Variants in PUM2 observed in about 807,000 individuals in gnomAD.
The protein encoded by PUM2 is pumilio RNA binding family member 2.
A neutral mutation model predicts 124.5 loss-of-function variants in PUM2; 57 were observed. The observed-to-expected ratio is 0.46, with a 90% confidence interval of 0.37 to 0.57. PUM2 has a LOEUF of 0.57. Ranked by LOEUF, PUM2 falls within the 20% of genes least tolerant of loss-of-function variation. The probability of loss-of-function intolerance (pLI) is 0.00; values close to 1 mark genes in which losing one functional copy is unlikely to be tolerated. For missense variants in PUM2, 1,065 were observed against 1,290.6 expected (o/e 0.83, Z 2.68); for synonymous variants, 460 against 446.1 (o/e 1.03, Z -0.39).
At chr2:20,262,735 T>C (rs1156292044) in intron 14 of PUM2, among the ~76,000 whole-genome samples, 1 of 152,270 alleles carries the variant, frequency 6.6e-6, no homozygotes, top group African/African-American at 2.4e-5. Context: ...GTATCTCTCA[T>C]GTATTACATT....
chr2:20,251,696 A>G lies in PUM2; in HGVS notation c.3084T>C (p.Thr1028=), dbSNP rs1460513592. 3 of 1,613,140 alleles carry G rather than the reference A, an allele frequency of 1.9e-6. No individual in the cohort carries two copies. The highest frequency in any genetic ancestry group is 2.5e-6 in the Non-Finnish European group (3 of 1,179,544). ...GCTTCCCGTATGTGTATTTGCGCAA[A>G]GTAGTAATGTGAGGTCGAATCTGAA... is the stretch of plus-strand genomic sequence containing the variant. The part of the protein sequence containing the change: ...IMHKIRPHIT[T]LRKYTYGKHI... Residue 1028 remains threonine (T), a synonymous_variant, in exon 21 of 21, where the codon ACT becomes ACC. Coordinates refer to ENST00000361078, the MANE Select transcript of PUM2 (RefSeq NM_015317.5).
chr2:20,261,366 C>A lies in PUM2; in HGVS notation c.2226-900G>T, dbSNP rs1364917751. Reference sequence around the variant, plus strand: ...CCGAGATCATGCCATTGCACTCCAGCCTAAGCGACAGAGTGAGACTCTGTC... The same window carrying A: ...CCGAGATCATGCCATTGCACTCCAGACTAAGCGACAGAGTGAGACTCTGTC... On this transcript the variant is annotated intron_variant, in intron 14 of 20. Coordinates refer to ENST00000361078, the MANE Select transcript of PUM2 (RefSeq NM_015317.5). Among the ~76,000 whole-genome samples the A allele has an allele frequency of 5.6e-5, 7 of 123,964 alleles. No individual in the cohort carries two copies. The Admixed American group carries it at 5.8e-4, about 10-fold the overall frequency. The allele number at this position is 123,964 out of a possible 152,430, so 81.3% of individuals were successfully genotyped here.
chr2:20,340,307 G>T (rs1686981306), intron 1 of PUM2, among the ~76,000 whole-genome samples: 1 of 152,218 alleles, frequency 6.6e-6, no homozygotes, highest in Non-Finnish European at 1.5e-5. Context: ...AATCACAAAA[G>T]AAAGCTAACT....
In PUM2 at chr2:20,255,264, G is replaced by A. The variant is rs1664499103; in HGVS notation, c.2700C>T (p.Thr900=). The part of the protein sequence containing the change: ...RILEHCTAEQ[T]LPILEELHQH... ...GGTGGAGTTCTTCTAAGATAGGTAA[G>A]GTCTGTTCTGCAGTGCAATGCTCTA... is the stretch of plus-strand genomic sequence containing the variant. Residue 900 remains threonine, a synonymous_variant, in exon 18 of 21, where the codon ACC becomes ACT. Coordinates refer to ENST00000361078, the MANE Select transcript of PUM2 (RefSeq NM_015317.5). The A allele has an allele frequency of 1.9e-6, 3 of 1,605,812 alleles. No individual in the cohort carries two copies. Among genetic ancestry groups the A allele is most frequent in the Non-Finnish European group, 1.7e-6 (2 of 1,172,572 alleles).
intron 3 of PUM2, among the ~76,000 whole-genome samples, chr2:20,317,519 C>A (rs1246354449): frequency 6.6e-6 from 1 of 152,030 alleles, no homozygotes; most frequent in African/African-American, 2.4e-5. Context: ...TTAATCTATC[C>A]CCCATTTTAA....
chr2:20,308,762 C>T (rs1041690317), intron 5 of PUM2, among the ~76,000 whole-genome samples, 178 bp from the exon 6 acceptor site: 1 of 152,086 alleles, frequency 6.6e-6, no homozygotes, highest in African/African-American at 2.4e-5. Context: ...CTCTTAACAG[C>T]TGGCATGATT....
Position 20,350,626 on chromosome 2 carries a change from G to T in PUM2, c.-48C>A. The T allele has an allele frequency of 1.0e-6, 1 of 985,466 alleles. No homozygotes were observed. Among genetic ancestry groups the T allele is most frequent in the Non-Finnish European group, 1.2e-6 (1 of 830,016 alleles). The allele number at this position is 985,466 out of a possible 1,614,324, so 61.0% of individuals were successfully genotyped here. ...CTGCTGCGGCCGCGCTGCCTCAGCC[G>T]GGGACACCGACCGTTGGGCACACGG... On this transcript the variant is annotated 5_prime_UTR_variant, in exon 1 of 21. Transcript: ENST00000361078.
At chr2:20,329,075 G>A (rs1684312442) in intron 1 of PUM2, among the ~76,000 whole-genome samples, 1 of 151,738 alleles carries the variant, frequency 6.6e-6, no homozygotes, top group Admixed American at 6.6e-5. Flanking sequence ...GGAGGCTGAG[G>A]TGGGAATATC....
Position 20,283,037 on chromosome 2 carries a change from C to T in PUM2, c.1630G>A (p.Gly544Ser), listed in dbSNP as rs2148897387. The T allele has an allele frequency of 1.2e-6, 2 of 1,614,064 alleles. No individual in the cohort carries two copies. Among genetic ancestry groups the T allele is most frequent in the East Asian group, 4.5e-5 (2 of 44,886 alleles). ...CCAAGAGATGTACTTCCAGGTTGAC[C>T]AGGTCCATGAGAAAATAAAGAACTA... ...QSSSLFSHGPGQPGSTSLGFG... is the reference protein window; with the variant it reads ...QSSSLFSHGPSQPGSTSLGFG... The change falls in exon 12 of 21, where the codon GGT becomes AGT. Residue 544 changes from glycine to serine, a missense_variant. By Grantham distance (56) the Gly-to-Ser change is moderately conservative. Transcript: ENST00000361078.
rs1182734435 is a variant in PUM2 at position 20,249,652 on chromosome 2, C to T, written c.*1933G>A. ...ATTCCATATTGTGCTCAGAAGATTG[C>T]GTTTCTTCTGCAGATCTCTAGTAAA... is the stretch of plus-strand genomic sequence containing the variant. On this transcript the variant is annotated 3_prime_UTR_variant, in exon 21 of 21. Transcript: ENST00000361078. The T allele has an allele frequency of 2.0e-5, 3 of 152,514 alleles. No individual in the cohort carries two copies. Among genetic ancestry groups the T allele is most frequent in the Non-Finnish European group, 2.9e-5 (2 of 68,012 alleles). The allele number at this position is 152,514 out of a possible 1,614,324, so 9.4% of individuals were successfully genotyped here.
At chr2:20,320,988 T>C (rs1441582161) in intron 2 of PUM2, among the ~76,000 whole-genome samples, 1 of 152,180 alleles carries the variant, frequency 6.6e-6, no homozygotes, top group African/African-American at 2.4e-5. Flanking sequence ...ATAAGTAATC[T>C]AAAGTTGTAA....
chr2:20,256,667 A>G (rs965772498), intron 16 of PUM2, among the ~76,000 whole-genome samples: 4 of 152,232 alleles, frequency 2.6e-5, no homozygotes, highest in African/African-American at 7.2e-5. Context: ...CTTATGGGCT[A>G]TGATTTTTAC....
intron 2 of PUM2, among the ~76,000 whole-genome samples, chr2:20,320,859 C>A (rs551668092): frequency 6.6e-6 from 1 of 151,946 alleles, no homozygotes; most frequent in Admixed American, 6.6e-5. Context: ...CCAAGTTAAT[C>A]CCTTAAAAAT....
intron 10 of PUM2, among the ~76,000 whole-genome samples, chr2:20,284,410 C>T (rs1303750845): frequency 6.6e-6 from 1 of 152,182 alleles, no homozygotes; most frequent in Non-Finnish European, 1.5e-5. Flanking sequence ...GGCTGGAGCA[C>T]AGTGGCATAA....
chr2:20,319,608 T>C (rs1200375950), intron 2 of PUM2, among the ~76,000 whole-genome samples: 1 of 152,208 alleles, frequency 6.6e-6, no homozygotes, highest in African/African-American at 2.4e-5. Flanking sequence ...AACTCAGTAA[T>C]ACCTGAAATT....
chr2:20,344,674 A>G (rs1405256666), intron 1 of PUM2, among the ~76,000 whole-genome samples: 1 of 152,034 alleles, frequency 6.6e-6, no homozygotes, highest in Non-Finnish European at 1.5e-5. Context: ...GGACTAAATT[A>G]ACTTCTATAA....
At chr2:20,312,209 A>C in intron 4 of PUM2, 27 bp downstream of exon 4, 1 of 1,529,776 alleles carries the variant, frequency 6.5e-7, no homozygotes, top group Non-Finnish European at 8.9e-7. Flanking sequence ...AGCAAATATT[A>C]AATATTTCTT....
At chr2:20,347,798 T>G (rs1258921977) in intron 1 of PUM2, among the ~76,000 whole-genome samples, 2 of 152,144 alleles carry the variant, frequency 1.3e-5, no homozygotes, top group Non-Finnish European at 2.9e-5. Flanking sequence ...TCTAACCCAG[T>G]CACAAGTAGC....
rs773279471 is a variant in PUM2, at chr2:20,253,900, C to T, written c.2985G>A (p.Lys995=). The change falls in exon 20 of 21, where the codon AAG becomes AAA. Residue 995 remains lysine, a synonymous_variant. Coordinates refer to ENST00000361078, the MANE Select transcript of PUM2 (RefSeq NM_015317.5). ...GPHSALYTMM[K]DQYANYVVQK... Reference sequence around the variant, plus strand: ...GAACCACGTAATTGGCATACTGGTCCTTCATCATGGTGTATAAGGCACTGT... The same window carrying T: ...GAACCACGTAATTGGCATACTGGTCTTTCATCATGGTGTATAAGGCACTGT... 1.9e-6 allele frequency: 3 copies of T among 1,613,900 alleles called. No individual in the cohort carries two copies. Among genetic ancestry groups the T allele is most frequent in the Non-Finnish European group, 1.7e-6 (2 of 1,179,908 alleles).
Sources: gnomAD v4.1 joint callset for allele counts (sites outside exome capture counted in the v4.1 genomes callset) on GRCh38, gnomAD v4.1.1 for gene constraint, MANE v1.5 for transcripts, NCBI Gene and HGNC (gene_info 2026-07-23, HGNC 2026-07-21) for gene names.